Variants in TENM1 observed in about 807,000 individuals in gnomAD.
The protein encoded by TENM1 is teneurin transmembrane protein 1, also known as teneurin-1.
Under a neutral mutation model 174.8 loss-of-function variants are expected in TENM1, and 35 were observed. The observed-to-expected ratio is 0.20, with a 90% CI of 0.15 to 0.27. The LOEUF is 0.27. TENM1 is among the 10% of genes least tolerant of loss of function. The pLI, the probability that TENM1 is intolerant of heterozygous loss-of-function variation, is 1.00. For synonymous variants in TENM1, 781 were observed against 798.7 expected (o/e 0.98, Z 0.37); for missense variants, 1,633 against 2,130.1 (o/e 0.77, Z 4.59).
chrX:124,529,919 C>T (rs1338250661), exon 16 of TENM1: 3 of 1,211,007 alleles, frequency 2.5e-6, no homozygotes, highest in Non-Finnish European at 3.4e-6. Flanking sequence ...AAGAAACTGA[C>T]ATTCACTCCC....
intron 18 of TENM1, among the ~76,000 whole-genome samples, chrX:124,510,707 T>G: frequency 9.1e-6 from 1 of 110,361 alleles, no homozygotes; most frequent in Admixed American, 9.7e-5. Context: ...GCTTTTAAAC[T>G]TTCATGTCTG....
the TENM1 span, chrX:125,204,205 C>T: frequency 8.9e-6 from 1 of 112,367 alleles, no homozygotes; most frequent in Non-Finnish European, 1.9e-5. Flanking sequence ...CCGGGGCACT[C>T]GGAGGTGAAC....
At chrX:124,882,209 T>C (rs2057315380) in intron 3 of TENM1, among the ~76,000 whole-genome samples, 1 of 112,425 alleles carries the variant, frequency 8.9e-6, no homozygotes, top group African/African-American at 3.2e-5. Context: ...TCCACTGTAG[T>C]ATAAGAAGAT....
At chrX:124,936,667 G>C (rs1250138172) in intron 1 of TENM1, among the ~76,000 whole-genome samples, 1 of 112,242 alleles carries the variant, frequency 8.9e-6, no homozygotes, top group African/African-American at 3.2e-5. Flanking sequence ...ATGCTGTACT[G>C]TTTTGGTGCA....
the TENM1 span, among the ~76,000 whole-genome samples, chrX:124,974,466 T>C: frequency 9.8e-5 from 11 of 111,911 alleles, no homozygotes; most frequent in African/African-American, 3.6e-4. Context: ...TTGACTCAAT[T>C]GCAAAAACAC....
At chrX:124,712,671 G>C (rs1405183810) in intron 4 of TENM1, among the ~76,000 whole-genome samples, 1 of 110,051 alleles carries the variant, frequency 9.1e-6, no homozygotes, top group African/African-American at 3.3e-5. Flanking sequence ...TAGTAGAGAC[G>C]GGGTTTCACC....
chrX:124,405,179 T>C (rs1362155183), exon 27 of TENM1: 6 of 1,209,691 alleles, frequency 5.0e-6, no homozygotes, highest in African/African-American at 1.8e-5. Flanking sequence ...GATGTGGGGC[T>C]CTGAGCTGAG....
intron 1 of TENM1, among the ~76,000 whole-genome samples, chrX:124,940,974 G>A (rs867171984): frequency 5.4e-5 from 6 of 111,093 alleles, no homozygotes; most frequent in Non-Finnish European, 1.1e-4. Context: ...GGAGGGGCAG[G>A]ACTAGGTTAA....
the TENM1 span, among the ~76,000 whole-genome samples, chrX:125,010,256 A>G: frequency 1.8e-5 from 2 of 110,719 alleles, no homozygotes; most frequent in Non-Finnish European, 3.8e-5. Context: ...GAGCCAAATC[A>G]TGAGTGAACT....
intron 1 of TENM1, among the ~76,000 whole-genome samples, chrX:124,952,386 T>A (rs1412333523): frequency 9.1e-6 from 1 of 109,851 alleles, no homozygotes; most frequent in Non-Finnish European, 1.9e-5. Flanking sequence ...ATCTGATTAC[T>A]AAATATATGA....
chrX:125,167,499 G>C, the TENM1 span, among the ~76,000 whole-genome samples: 44 of 111,735 alleles, frequency 3.9e-4, no homozygotes, highest in African/African-American at 1.4e-3. Flanking sequence ...CTTATATGTG[G>C]TAGAACTAGT....
intron 1 of TENM1, among the ~76,000 whole-genome samples, chrX:124,936,034 T>A (rs2058239983): frequency 8.9e-6 from 1 of 111,904 alleles, no homozygotes; most frequent in South Asian, 3.7e-4. Flanking sequence ...CTTTTTGTAT[T>A]CCCCATCCAT....
At chrX:124,467,630 A>G (rs1014928114) in intron 22 of TENM1, among the ~76,000 whole-genome samples, 1 of 112,266 alleles carries the variant, frequency 8.9e-6, no homozygotes, top group African/African-American at 3.2e-5. Context: ...AGGATGTTAA[A>G]TATTTTGACC....
At chrX:124,406,198 A>G in intron 26 of TENM1, 119 bp downstream of exon 29, 1 of 565,494 alleles carries the variant, frequency 1.8e-6, no homozygotes, top group Non-Finnish European at 2.8e-6. Context: ...GCTGGAAAAC[A>G]GGAAGAGTAC....
intron 6 of TENM1, among the ~76,000 whole-genome samples, chrX:124,657,015 G>T (rs1180731679): frequency 9.0e-6 from 1 of 110,530 alleles, no homozygotes; most frequent in Admixed American, 9.7e-5. Flanking sequence ...GGATCTATTT[G>T]GCCAAACTTA....
intron 3 of TENM1, among the ~76,000 whole-genome samples, chrX:124,756,594 T>C (rs1312421378): frequency 1.8e-5 from 2 of 110,332 alleles, no homozygotes; most frequent in Non-Finnish European, 1.9e-5. Context: ...AGTTTTTCTG[T>C]TCTGTTTTTA....
At chrX:124,970,760 A>G in the TENM1 span, among the ~76,000 whole-genome samples, 2 of 111,205 alleles carry the variant, frequency 1.8e-5, no homozygotes. Context: ...TAGAAATACC[A>G]TTTGACCCAG....
chrX:124,713,284 T>A (rs886514530), intron 4 of TENM1, among the ~76,000 whole-genome samples: 1 of 111,310 alleles, frequency 9.0e-6, no homozygotes, highest in Non-Finnish European at 1.9e-5. Flanking sequence ...TTTTTTTTTT[T>A]TGAGATGGAG....
exon 32 of TENM1, chrX:124,379,288 T>A (rs908926612): frequency 2.7e-5 from 3 of 112,776 alleles, no homozygotes; most frequent in African/African-American, 9.7e-5. Flanking sequence ...GTATAAATTA[T>A]TTTAGTAAAA....
Sources: allele counts gnomAD v4.1 joint callset (sites outside exome capture counted in the v4.1 genomes callset), GRCh38; gene constraint gnomAD v4.1.1; transcripts MANE v1.5; gene names NCBI Gene and HGNC (gene_info 2026-07-23, HGNC 2026-07-21).